The following FMNL2 variants were observed in gnomAD, a reference collection of about 807,000 sequenced individuals.
The protein encoded by FMNL2 is formin like 2.
A neutral mutation model predicts 130.2 loss-of-function variants in FMNL2; 51 were observed. The ratio of observed to expected loss-of-function variants is 0.39; its 90% CI spans 0.31 to 0.49. The LOEUF is 0.49. Among genes scored for constraint, FMNL2 ranks in the 20% least tolerant of loss-of-function variants. The probability of loss-of-function intolerance (pLI) is 0.85; values close to 1 mark genes in which losing one functional copy is unlikely to be tolerated. For synonymous variants in FMNL2, 465 were observed against 467.1 expected, an observed-to-expected ratio of 1.00 and a Z score of 0.06; for missense variants, 977 against 1,316.2, an observed-to-expected ratio of 0.74 and a Z score of 3.99.
In FMNL2 at chr2:152,617,152, A is replaced by G. The variant is rs1382446555; in HGVS notation, c.1274A>G (p.Lys425Arg). Residue 425 changes from lysine (K) to arginine (R), a missense_variant, in exon 13 of 26, where the codon AAG becomes AGG. This residue lies in a region of FMNL2 where 689 missense variants were observed against 995.9 expected (regional missense o/e 0.69). Transcript: ENST00000288670. ...EAMSKIVELEKQLMQRNKELD... is the reference protein window; with the variant it reads ...EAMSKIVELERQLMQRNKELD... ...ATGTCCAAGATTGTGGAACTGGAAA[A>G]GCAACTCATGCAGAGGAACAAGGAG... is the stretch of plus-strand genomic sequence containing the variant. The G allele has an allele frequency of 6.2e-7, 1 of 1,614,048 alleles. No individual in the cohort carries two copies. Among genetic ancestry groups the G allele is most frequent in the East Asian group, 2.2e-5 (1 of 44,884 alleles).
chr2:152,548,087 G>T (rs529947150), intron 3 of FMNL2, among the ~76,000 whole-genome samples: 403 of 152,300 alleles, frequency 2.6e-3, no homozygotes, highest in African/African-American at 9.1e-3. Flanking sequence ...ATTCCTGGAA[G>T]GGTAGGTGGG....
chr2:152,560,525 G>A (rs748574426), intron 5 of FMNL2, among the ~76,000 whole-genome samples: 7 of 152,180 alleles, frequency 4.6e-5, no homozygotes, highest in Non-Finnish European at 1.0e-4. Context: ...ATATTGACTT[G>A]TTAAAGCAAA....
chr2:152,353,867 A>T (rs1682643577), intron 1 of FMNL2, among the ~76,000 whole-genome samples: 1 of 150,376 alleles, frequency 6.6e-6, no homozygotes, highest in East Asian at 2.0e-4. Flanking sequence ...TAGTTAAATC[A>T]TCATCAACCT....
In FMNL2 at chr2:152,647,782, T is replaced by C; in HGVS notation, c.3170-14T>C. On this transcript the variant is annotated splice_polypyrimidine_tract_variant and intron_variant, in intron 25 of 25. Coordinates refer to ENST00000288670, the MANE Select transcript of FMNL2 (RefSeq NM_052905.4). ...AAGGTTGCTATTCTCTCACTGGCACTCTCCCCTTTACAGATCTTAGAAACC... is the reference window on the plus strand; with the variant it reads ...AAGGTTGCTATTCTCTCACTGGCACCCTCCCCTTTACAGATCTTAGAAACC... The C allele has an allele frequency of 6.2e-7, 1 of 1,613,122 alleles. No homozygotes were observed. Among genetic ancestry groups the C allele is most frequent in the Non-Finnish European group, 8.5e-7 (1 of 1,179,158 alleles).
intron 1 of FMNL2, among the ~76,000 whole-genome samples, chr2:152,356,226 A>G (rs1044638722): frequency 1.1e-4 from 17 of 152,178 alleles, no homozygotes; most frequent in African/African-American, 3.9e-4. Context: ...CCTGGGTTCA[A>G]GCAATTCTGT....
intron 1 of FMNL2, among the ~76,000 whole-genome samples, chr2:152,500,445 G>A (rs1412319606): frequency 1.3e-5 from 2 of 152,124 alleles, no homozygotes; most frequent in Non-Finnish European, 2.9e-5. Context: ...GGCTCAGAAC[G>A]TTTTTCTTAG....
intron 1 of FMNL2, among the ~76,000 whole-genome samples, chr2:152,407,529 G>T (rs958284769): frequency 3.3e-5 from 5 of 152,116 alleles, no homozygotes; most frequent in Non-Finnish European, 5.9e-5. Flanking sequence ...CTTTTTGTCT[G>T]CTCAGTTGTG....
intron 2 of FMNL2, among the ~76,000 whole-genome samples, chr2:152,541,195 T>C (rs1694293208): frequency 6.6e-6 from 1 of 152,114 alleles, no homozygotes; most frequent in African/African-American, 2.4e-5. Flanking sequence ...CTCGCTCTGT[T>C]ACCCAGGCTG....
At chr2:152,633,714 T>G (rs923689825) in intron 21 of FMNL2, among the ~76,000 whole-genome samples, 1 of 152,204 alleles carries the variant, frequency 6.6e-6, no homozygotes, top group Non-Finnish European at 1.5e-5. Flanking sequence ...TTTGCCTAAA[T>G]TAATTACACC....
intron 21 of FMNL2, among the ~76,000 whole-genome samples, chr2:152,635,765 T>G (rs898184339): frequency 6.6e-6 from 1 of 152,190 alleles, no homozygotes; most frequent in African/African-American, 2.4e-5. Flanking sequence ...ACACTAAACC[T>G]TGCTGAATAG....
chr2:152,433,979 C>T (rs575122621), intron 1 of FMNL2, among the ~76,000 whole-genome samples: 1 of 152,208 alleles, frequency 6.6e-6, no homozygotes, highest in Non-Finnish European at 1.5e-5. Flanking sequence ...ATAGAGGAAA[C>T]TGGTACTATT....
intron 1 of FMNL2, among the ~76,000 whole-genome samples, chr2:152,518,734 C>T (rs1692910675): frequency 6.6e-6 from 1 of 152,200 alleles, no homozygotes; most frequent in South Asian, 2.1e-4. Flanking sequence ...CACCTTTCTT[C>T]ATTCAACGTG....
At chr2:152,474,449 C>A (rs1255803411) in intron 1 of FMNL2, among the ~76,000 whole-genome samples, 1 of 152,194 alleles carries the variant, frequency 6.6e-6, no homozygotes, top group African/African-American at 2.4e-5. Flanking sequence ...TTTTGGGAGG[C>A]TGAGGCATGT....
intron 1 of FMNL2, among the ~76,000 whole-genome samples, chr2:152,477,269 G>T (rs76763786): frequency 0.074 from 11,191 of 152,188 alleles, 666 homozygotes; most frequent in Admixed American, 0.21. Flanking sequence ...TTAGAGACGA[G>T]CTTACTCATC....
intron 7 of FMNL2, among the ~76,000 whole-genome samples, chr2:152,576,322 G>A (rs187502091): frequency 5.9e-5 from 9 of 152,248 alleles, no homozygotes; most frequent in South Asian, 4.1e-4. Flanking sequence ...TAAATCTGTG[G>A]CCCAGGGAAC....
At position 152,484,175 on chromosome 2, in the gene FMNL2, C is replaced by T. The variant is rs762203052; in HGVS notation, c.118-37768C>T. 3.9e-5 allele frequency among the ~76,000 whole-genome samples: 6 copies of T among 152,298 alleles called. No individual in the cohort carries two copies. In the South Asian group the frequency reaches 1.0e-3, roughly 26 times the overall value. On this transcript the variant is annotated intron_variant, in intron 1 of 25. Transcript: ENST00000288670. The stretch of plus-strand genomic sequence containing the variant: ...CCCATGCTGAATTATAACAGAGTCA[C>T]TGGTGTGCAATTCCAGAATGTCTCA...
intron 1 of FMNL2, among the ~76,000 whole-genome samples, chr2:152,429,095 G>A (rs183928276): frequency 6.6e-6 from 1 of 151,956 alleles, no homozygotes; most frequent in East Asian, 1.9e-4. Context: ...TAATACCTGG[G>A]TGATGGGATG....
At chr2:152,491,607 A>G (rs1242166284) in intron 1 of FMNL2, among the ~76,000 whole-genome samples, 3 of 152,202 alleles carry the variant, frequency 2.0e-5, no homozygotes, top group Non-Finnish European at 4.4e-5. Flanking sequence ...TTAACATTGC[A>G]TAGTGTATTT....
chr2:152,505,662 C>T (rs1397042355), intron 1 of FMNL2, among the ~76,000 whole-genome samples: 1 of 152,190 alleles, frequency 6.6e-6, no homozygotes, highest in Non-Finnish European at 1.5e-5. Context: ...ATTGTGACTT[C>T]AGAGTCACAG....
Sources: allele counts gnomAD v4.1 joint callset (sites outside exome capture counted in the v4.1 genomes callset), GRCh38; gene constraint gnomAD v4.1.1; regional missense constraint gnomAD v4.1.1; transcripts MANE v1.5; gene names NCBI Gene and HGNC (gene_info 2026-07-23, HGNC 2026-07-21).